The following COPS8 variants were observed in gnomAD, a reference collection of about 807,000 sequenced individuals.
COPS8 encodes the protein COP9 signalosome subunit 8.
In COPS8, 11 loss-of-function variants were observed where a neutral mutation model predicts 31.5. That is an observed-to-expected ratio of 0.35 (90% CI 0.22 to 0.58). The LOEUF (loss-of-function observed/expected upper bound fraction) is 0.58, where lower values mean the gene tolerates loss of function less well. Among genes scored for constraint, COPS8 ranks in the 20% least tolerant of loss-of-function variants. The pLI, the probability that COPS8 is intolerant of heterozygous loss-of-function variation, is 0.83. For synonymous variants in COPS8, 81 were observed against 89.3 expected, an observed-to-expected ratio of 0.91 and a Z score of 0.52; for missense variants, 215 against 255.1, an observed-to-expected ratio of 0.84 and a Z score of 1.07.
intron 5 of COPS8, among the ~76,000 whole-genome samples, chr2:237,094,564 C>A (rs868755978): frequency 1.2e-4 from 19 of 152,084 alleles, no homozygotes; most frequent in Non-Finnish European, 2.1e-4. Context: ...TAGGCGCTTG[C>A]TTGCTCCCCA....
chr2:237,088,558 G>T, intron 2 of COPS8, 47 bp from the exon 3 acceptor site: 2 of 1,392,932 alleles, frequency 1.4e-6, no homozygotes, highest in South Asian at 1.2e-5. Context: ...TTCCTGAGAT[G>T]ATTATGTTTT....
chr2:237,093,107 G>A (rs1442989043), intron 4 of COPS8, among the ~76,000 whole-genome samples: 1 of 152,134 alleles, frequency 6.6e-6, no homozygotes, highest in Non-Finnish European at 1.5e-5. Context: ...ACTTAGGAAT[G>A]GTAGAGAGCA....
chr2:237,095,262 C>T (rs1696778660), intron 5 of COPS8, among the ~76,000 whole-genome samples: 1 of 152,154 alleles, frequency 6.6e-6, no homozygotes, highest in African/African-American at 2.4e-5. Context: ...AATGCTGGTA[C>T]CACCCGTCCC....
At chr2:237,097,246 G>GTTTTTTTTTTTTTTT (rs1330707771) in intron 7 of COPS8, among the ~76,000 whole-genome samples, 1 of 107,934 alleles carries the variant, frequency 9.3e-6, no homozygotes, top group African/African-American at 3.6e-5. Flanking sequence ...TTTTTTTTTG[G>GTTTTTTTTTTTTTTT]TTTGTTGACA....
intron 1 of COPS8, 147 bp from the exon 2 acceptor site, chr2:237,086,980 A>T: frequency 1.7e-6 from 1 of 573,998 alleles, no homozygotes; most frequent in East Asian, 3.0e-5. Flanking sequence ...TAATAGGACT[A>T]TAAGATTACT....
chr2:237,093,078 C>G (rs961669622), intron 4 of COPS8, among the ~76,000 whole-genome samples: 1 of 152,018 alleles, frequency 6.6e-6, no homozygotes, highest in Non-Finnish European at 1.5e-5. Context: ...GGGCAGAGAT[C>G]GTAATGAATT....
At chr2:237,095,747 A>T (rs1238351697) in intron 5 of COPS8, 75 bp from the exon 6 acceptor site, 2 of 956,006 alleles carry the variant, frequency 2.1e-6, no homozygotes, top group East Asian at 4.9e-5. Flanking sequence ...TGTACAACTA[A>T]TGTCATGGAC....
rs932549302 is a variant in COPS8 at position 237,096,546 on chromosome 2, G to A, written c.503-276G>A. 13 of 442,348 alleles carry A rather than the reference G, an allele frequency of 2.9e-5. 1 individual carries two copies. The highest frequency in any genetic ancestry group is 2.9e-4 in the South Asian group (10 of 34,706). The allele number at this position is 442,348 out of a possible 1,614,324, so 27.4% of individuals were successfully genotyped here. A position where few individuals can be genotyped will look rare whatever the true frequency, so the allele number is the denominator to read the frequency against. ...AGCCCAAATTTCCTTCCACCTACTC[G>A]GAATGCCTATGTTTAGACATTGCTG... On this transcript the variant is annotated intron_variant, in intron 6 of 7. Coordinates refer to ENST00000354371, the MANE Select transcript of COPS8 (RefSeq NM_006710.5).
chr2:237,091,720 C>G, intron 4 of COPS8, among the ~76,000 whole-genome samples: 1 of 152,158 alleles, frequency 6.6e-6, no homozygotes, highest in African/African-American at 2.4e-5. Flanking sequence ...GAAACAAGGG[C>G]TGAGGAAGTA....
chr2:237,086,147 C>A, intron 1 of COPS8, 105 bp downstream of exon 1: 1 of 1,102,164 alleles, frequency 9.1e-7, no homozygotes, highest in Non-Finnish European at 1.4e-6. Context: ...GCTTTGGGAG[C>A]TCACGGGGCG....
chr2:237,097,891 A>G lies in COPS8; in HGVS notation c.*149A>G. On this transcript the variant is annotated 3_prime_UTR_variant, in exon 8 of 8. Transcript: ENST00000354371. ...AAAATACATATAGAATATAAGATAT[A>G]CTATATACATTTTGTCCATAAACGT... is the stretch of plus-strand genomic sequence containing the variant. The G allele has an allele frequency of 1.8e-6, 1 of 554,802 alleles. No homozygotes were observed. Among genetic ancestry groups the G allele is most frequent in the South Asian group, 2.3e-5 (1 of 42,582 alleles). The allele number at this position is 554,802 out of a possible 1,614,324, so 34.4% of individuals were successfully genotyped here.
At chr2:237,086,303 C>CGAT (rs1028466890) in intron 1 of COPS8, among the ~76,000 whole-genome samples, 1 of 152,108 alleles carries the variant, frequency 6.6e-6, no homozygotes, top group Admixed American at 6.5e-5. Flanking sequence ...CAGCACCTAC[C>CGAT]GATGAGCTCA....
Position 237,089,806 on chromosome 2 carries a change from A to T in COPS8, c.199-56A>T, listed in dbSNP as rs1213270278. ...TTTCTGGTATTTTGTTTTAAGATACAATCATTGGTGCATTTACAGAGTGAA... is the reference window on the plus strand; with the variant it reads ...TTTCTGGTATTTTGTTTTAAGATACTATCATTGGTGCATTTACAGAGTGAA... On this transcript the variant is annotated intron_variant, in intron 3 of 7. Coordinates refer to ENST00000354371, the MANE Select transcript of COPS8 (RefSeq NM_006710.5). The T allele has an allele frequency of 4.5e-6, 7 of 1,539,958 alleles. No individual in the cohort carries two copies. The Admixed American group carries it at 5.5e-5, about 12-fold the overall frequency.
chr2:237,094,005 C>A (rs923786928), intron 4 of COPS8, 85 bp from the exon 5 acceptor site: 9 of 1,535,518 alleles, frequency 5.9e-6, no homozygotes, highest in Middle Eastern at 2.3e-4. Flanking sequence ...GAAAACTAGA[C>A]AAGGACAGTG....
At chr2:237,088,531 C>T (rs1203149210) in intron 2 of COPS8, 74 bp from the exon 3 acceptor site, 2 of 1,074,316 alleles carry the variant, frequency 1.9e-6, no homozygotes, top group Non-Finnish European at 2.8e-6. Context: ...GGCTTGGGAC[C>T]TGGTAGTTTT....
rs889909058 is a variant in COPS8 at position 237,100,377 on chromosome 2, A to T, written c.*2635A>T. 2 of 152,140 alleles carry T rather than the reference A, an allele frequency of 1.3e-5. No individual in the cohort carries two copies. The highest frequency in any genetic ancestry group is 4.8e-5 in the African/African-American group (2 of 41,430). 9.4% of individuals were successfully genotyped at this position (152,140 alleles called of 1,614,324 possible). On this transcript the variant is annotated 3_prime_UTR_variant, in exon 8 of 8. Coordinates refer to ENST00000354371, the MANE Select transcript of COPS8 (RefSeq NM_006710.5). ...AATTTGCTCTGGGACTTACCCTGGC[A>T]CTACTATCAGGATGCCCACACAAAC...
At chr2:237,096,565 A>G (rs1198592710) in intron 6 of COPS8, 1 of 509,826 alleles carries the variant, frequency 2.0e-6, no homozygotes, top group East Asian at 3.5e-5. Flanking sequence ...ATGTTTAGAC[A>G]TTGCTGAACA....
At chr2:237,093,552 G>A (rs1453482369) in intron 4 of COPS8, 3 of 361,920 alleles carry the variant, frequency 8.3e-6, no homozygotes, top group East Asian at 1.7e-4. Flanking sequence ...TCCCTTCTTA[G>A]AGTCATTCTT....
rs913105367 is a variant in COPS8, at chr2:237,091,009, C to G, written c.331+1015C>G. 5.3e-5 allele frequency among the ~76,000 whole-genome samples: 8 copies of G among 152,272 alleles called. No individual in the cohort carries two copies. The East Asian group carries it at 1.4e-3, about 26-fold the overall frequency. On this transcript the variant is annotated intron_variant, in intron 4 of 7. Transcript: ENST00000354371. ...CGTTATAGTGGACTTCCATAGTATC[C>G]TCGTGATTCAGCCTTGTGATTGTGG...
Sources: allele counts gnomAD v4.1 joint callset (sites outside exome capture counted in the v4.1 genomes callset), GRCh38; gene constraint gnomAD v4.1.1; transcripts MANE v1.5; gene names NCBI Gene and HGNC (gene_info 2026-07-23, HGNC 2026-07-21).